Variants in NR4A3 observed in about 807,000 individuals in gnomAD.
The protein encoded by NR4A3 is chondrosarcoma, extraskeletal myxoid, fused to EWS.
In NR4A3, 13 loss-of-function variants were observed where a neutral mutation model predicts 55.6. That is an observed-to-expected ratio of 0.23 (90% CI 0.15 to 0.37). The LOEUF (loss-of-function observed/expected upper bound fraction) is 0.37, where lower values mean the gene tolerates loss of function less well. Among genes scored for constraint, NR4A3 ranks in the 10% least tolerant of loss-of-function variants. The probability of loss-of-function intolerance (pLI) is 1.00; values close to 1 mark genes in which losing one functional copy is unlikely to be tolerated. For missense variants in NR4A3, 646 were observed against 822.8 expected (o/e 0.79, Z 2.63); for synonymous variants, 342 against 357.9 (o/e 0.96, Z 0.50).
chr9:99,848,099 G>T (rs1266615856), intron 7 of NR4A3, among the ~76,000 whole-genome samples: 9 of 152,136 alleles, frequency 5.9e-5, no homozygotes, highest in African/African-American at 2.2e-4. Flanking sequence ...TCACCCTGTT[G>T]CCCAGACTGG....
chr9:99,827,650 A>G (rs952940966), intron 2 of NR4A3, among the ~76,000 whole-genome samples: 6 of 152,202 alleles, frequency 3.9e-5, no homozygotes, highest in Admixed American at 6.5e-5. Context: ...CAAATAAACC[A>G]CTGGCTTTCT....
At position 99,865,319 on chromosome 9, in the gene NR4A3, AAT is replaced by A. The variant is rs2118193988; in HGVS notation, c.*1456_*1457del. 1 of 160,368 alleles carries A rather than the reference AAT, an allele frequency of 6.2e-6. No homozygotes were observed. Among genetic ancestry groups the A allele is most frequent in the East Asian group, 1.2e-4 (1 of 8,586 alleles). The allele number at this position is 160,368 out of a possible 1,614,324, so 9.9% of individuals were successfully genotyped here. ...ATAAGCAAATATATATATATATATA[AAT>A]ATAGCAGGTTACATATATATATTTA... On this transcript the variant is annotated 3_prime_UTR_variant, in exon 8 of 8. Transcript: ENST00000395097. The surrounding 1 kb of genome is among the most constrained non-coding windows in gnomAD (Gnocchi z 4.3).
At chr9:99,846,798 C>T (rs780700335) in intron 6 of NR4A3, among the ~76,000 whole-genome samples, 7 of 152,198 alleles carry the variant, frequency 4.6e-5, no homozygotes, top group Non-Finnish European at 7.3e-5. Context: ...CAGGTGCACA[C>T]CACCAAGCCT....
intron 5 of NR4A3, among the ~76,000 whole-genome samples, chr9:99,835,660 A>G (rs528036172): frequency 3.9e-5 from 6 of 152,276 alleles, no homozygotes; most frequent in African/African-American, 1.4e-4. Context: ...TTTGGCCCCA[A>G]ATTATCCAAT....
chr9:99,824,710 G>A (rs956828771), intron 1 of NR4A3, among the ~76,000 whole-genome samples: 4 of 152,218 alleles, frequency 2.6e-5, no homozygotes, highest in African/African-American at 9.6e-5. Context: ...CCCACTCTTC[G>A]AGCTGCGCCC....
In NR4A3 at chr9:99,825,771, A is replaced by G; in HGVS notation, c.-64A>G. The stretch of plus-strand genomic sequence containing the variant: ...CTCGCCGGACGTCCGCTCCTCCTAC[A>G]CTCTCAGCCTCCGCTGGAGAGACCC... On this transcript the variant is annotated 5_prime_UTR_variant, in exon 2 of 8. Transcript: ENST00000395097. The surrounding 1 kb of genome is among the most constrained non-coding windows in gnomAD (Gnocchi z 5.0). 1 of 167,754 alleles carries G rather than the reference A, an allele frequency of 6.0e-6. No individual in the cohort carries two copies. Among genetic ancestry groups the G allele is most frequent in the Non-Finnish European group, 1.3e-5 (1 of 76,760 alleles). 10.4% of individuals were successfully genotyped at this position (167,754 alleles called of 1,614,324 possible).
chr9:99,829,874 G>A (rs946299094), intron 3 of NR4A3, among the ~76,000 whole-genome samples: 2 of 152,204 alleles, frequency 1.3e-5, no homozygotes, highest in African/African-American at 4.8e-5. Flanking sequence ...GCCTGGAGCG[G>A]TGAAGCCTTA....
chr9:99,865,954 G>A lies in NR4A3; in HGVS notation c.*2087G>A. The A allele has an allele frequency of 4.6e-6, 1 of 219,524 alleles. No homozygotes were observed. The allele number at this position is 219,524 out of a possible 1,614,324, so 13.6% of individuals were successfully genotyped here. ...AGGAGCAAACTGGGGCCCATTGAAG[G>A]GTGAAGAGTTACTCAAGGTCAAACA... On this transcript the variant is annotated 3_prime_UTR_variant, in exon 8 of 8. Transcript: ENST00000395097. This position sits in a 1 kb window ranked among gnomAD's most constrained non-coding sequence, Gnocchi z 4.3.
At chr9:99,856,512 C>G (rs772771014) in intron 7 of NR4A3, among the ~76,000 whole-genome samples, 1 of 152,114 alleles carries the variant, frequency 6.6e-6, no homozygotes, top group Admixed American at 6.6e-5. Context: ...AGGCCATGGA[C>G]CAATACCAAT....
intron 7 of NR4A3, among the ~76,000 whole-genome samples, chr9:99,856,899 G>T (rs1331456715): frequency 6.6e-6 from 1 of 152,196 alleles, no homozygotes; most frequent in Non-Finnish European, 1.5e-5. Context: ...GAACCTATTG[G>T]TAATTAGGAA....
chr9:99,835,549 T>C (rs1827543782), intron 5 of NR4A3, among the ~76,000 whole-genome samples: 1 of 152,230 alleles, frequency 6.6e-6, no homozygotes, highest in Admixed American at 6.5e-5. Flanking sequence ...TTCTTAGCAC[T>C]GCCTAGGCTA....
intron 5 of NR4A3, chr9:99,834,829 T>C: frequency 1.0e-6 from 1 of 985,344 alleles, no homozygotes; most frequent in Non-Finnish European, 1.2e-6. Flanking sequence ...TGGTAGATCC[T>C]TAGCATCAAA....
chr9:99,837,528 T>C (rs1470683382), intron 5 of NR4A3, among the ~76,000 whole-genome samples: 1 of 152,106 alleles, frequency 6.6e-6, no homozygotes, highest in Non-Finnish European at 1.5e-5. Flanking sequence ...TTTGAACATA[T>C]AAACTTTATT....
rs1432844477 is a variant in NR4A3 at position 99,825,165 on chromosome 9, A to T, written c.-176-494A>T. On this transcript the variant is annotated intron_variant, in intron 1 of 7. Coordinates refer to ENST00000395097, the MANE Select transcript of NR4A3 (RefSeq NM_006981.4). This position sits in a 1 kb window ranked among gnomAD's most constrained non-coding sequence, Gnocchi z 5.0. ...CATGCATTCGTTCCGGACCTTGTGC[A>T]TTTCCTATGCAACGTGTAAAATTTG... Among the ~76,000 whole-genome samples the T allele has an allele frequency of 6.8e-6, 1 of 147,810 alleles. No individual in the cohort carries two copies. Among genetic ancestry groups the T allele is most frequent in the African/African-American group, 2.5e-5 (1 of 39,694 alleles).
intron 3 of NR4A3, among the ~76,000 whole-genome samples, chr9:99,830,620 C>T (rs1315548068): frequency 6.6e-6 from 1 of 152,164 alleles, no homozygotes; most frequent in South Asian, 2.1e-4. Context: ...AATGCAGAAT[C>T]TTGGTCATTT....
chr9:99,833,275 G>A lies in NR4A3; in HGVS notation c.1082-7G>A, dbSNP rs142740300. The A allele has an allele frequency of 2.5e-4, 397 of 1,568,308 alleles. 1 individual carries two copies. The African/African-American group carries it at 5.1e-3, about 20-fold the overall frequency. ...AAGATTGTTTTCTTTGTCTCTTTTG[G>A]CATCAGTTGTCCGTACAGATAGTCT... is the stretch of plus-strand genomic sequence containing the variant. On this transcript the variant is annotated splice_polypyrimidine_tract_variant and splice_region_variant and intron_variant, in intron 4 of 7. Transcript: ENST00000395097.
Position 99,865,836 on chromosome 9 carries a change from C to G in NR4A3, c.*1969C>G, listed in dbSNP as rs1392323678. On this transcript the variant is annotated 3_prime_UTR_variant, in exon 8 of 8. Transcript: ENST00000395097. This position sits in a 1 kb window ranked among gnomAD's most constrained non-coding sequence, Gnocchi z 4.3. ...ATGAAAGATTGTTATTTTTATATATCAAGATGATAGAACCTGGAATGTTAG... is the reference window on the plus strand; with the variant it reads ...ATGAAAGATTGTTATTTTTATATATGAAGATGATAGAACCTGGAATGTTAG... 9.5e-6 allele frequency: 2 copies of G among 211,336 alleles called. No homozygotes were observed. Among genetic ancestry groups the G allele is most frequent in the Non-Finnish European group, 1.9e-5 (2 of 103,996 alleles). The allele number at this position is 211,336 out of a possible 1,614,324, so 13.1% of individuals were successfully genotyped here.
At chr9:99,840,688 A>G (rs1827635732) in intron 5 of NR4A3, among the ~76,000 whole-genome samples, 1 of 152,036 alleles carries the variant, frequency 6.6e-6, no homozygotes, top group South Asian at 2.1e-4. Flanking sequence ...CTTGTCTAGA[A>G]CTGCACAGCA....
intron 2 of NR4A3, among the ~76,000 whole-genome samples, chr9:99,826,121 T>C (rs896623393): frequency 1.3e-5 from 2 of 152,258 alleles, no homozygotes; most frequent in African/African-American, 4.8e-5. Context: ...ACATTTTTAA[T>C]TTCATTTTTG....
Sources: gnomAD v4.1 joint callset for allele counts (sites outside exome capture counted in the v4.1 genomes callset) on GRCh38, gnomAD v4.1.1 for gene constraint, Gnocchi (gnomAD v3.1) non-coding constraint, MANE v1.5 for transcripts, NCBI Gene and HGNC (gene_info 2026-07-23, HGNC 2026-07-21) for gene names.